SHISA9: variants seen among roughly 807,000 people sequenced by gnomAD.
The protein encoded by SHISA9 is shisa family member 9.
Under a neutral mutation model 38.0 loss-of-function variants are expected in SHISA9, and 13 were observed. That is an observed-to-expected ratio of 0.34 (90% CI 0.22 to 0.54). The LOEUF is 0.54. SHISA9 is among the 20% of genes least tolerant of loss of function. The probability of loss-of-function intolerance (pLI) is 0.91; values close to 1 mark genes in which losing one functional copy is unlikely to be tolerated. For synonymous variants in SHISA9, 275 were observed against 242.0 expected (o/e 1.14, Z -1.27); for missense variants, 538 against 575.8 (o/e 0.93, Z 0.67).
intron 2 of SHISA9, among the ~76,000 whole-genome samples, chr16:13,116,198 C>T (rs761167084): frequency 6.6e-5 from 10 of 152,168 alleles, no homozygotes; most frequent in African/African-American, 1.9e-4. Flanking sequence ...TGGGATACAT[C>T]ATACCTACCC....
chr16:13,370,283 C>A, the SHISA9 span, among the ~76,000 whole-genome samples: 4 of 152,092 alleles, frequency 2.6e-5, no homozygotes, highest in Admixed American at 6.6e-5. Context: ...CAGATACAAA[C>A]CTCAGTGGGA....
the SHISA9 span, among the ~76,000 whole-genome samples, chr16:13,411,362 A>G: frequency 6.6e-6 from 1 of 152,238 alleles, no homozygotes; most frequent in East Asian, 1.9e-4. Context: ...TGGGCAGAGT[A>G]ATGAACTTCT....
chr16:13,197,104 T>TACACACACAC (rs58365720), intron 2 of SHISA9, among the ~76,000 whole-genome samples: 11 of 106,490 alleles, frequency 1.0e-4, no homozygotes, highest in African/African-American at 3.9e-4. Flanking sequence ...TCTCTGTACA[T>TACACACACAC]ACACACACAC....
the SHISA9 span, among the ~76,000 whole-genome samples, chr16:13,436,780 G>A: frequency 2.5e-4 from 38 of 152,172 alleles, no homozygotes; most frequent in African/African-American, 7.2e-4. Context: ...ATCCCCCCAG[G>A]AAGCTAGTGG....
At chr16:13,479,729 C>T in the SHISA9 span, among the ~76,000 whole-genome samples, 2 of 152,188 alleles carry the variant, frequency 1.3e-5, no homozygotes, top group African/African-American at 4.8e-5. Context: ...AGAGACATGA[C>T]CAGAAATGAC....
intron 3 of SHISA9, among the ~76,000 whole-genome samples, chr16:13,204,126 A>T (rs1244525567): frequency 1.4e-5 from 2 of 142,832 alleles, no homozygotes; most frequent in Admixed American, 7.3e-5. Flanking sequence ...CTATCATCTA[A>T]CTACCTATTA....
At chr16:13,127,305 AGAGT>A (rs1369704503) in intron 2 of SHISA9, among the ~76,000 whole-genome samples, 43 of 132,254 alleles carry the variant, frequency 3.3e-4, no homozygotes, top group Admixed American at 1.5e-3. Flanking sequence ...GGAGAGAGAG[AGAGT>A]GAGGGAGGGA....
chr16:13,378,087 A>G, the SHISA9 span, among the ~76,000 whole-genome samples: 32 of 152,282 alleles, frequency 2.1e-4, no homozygotes, highest in Middle Eastern at 6.8e-3. Flanking sequence ...GACATCTGTC[A>G]CCCTGCTGAC....
the SHISA9 span, among the ~76,000 whole-genome samples, chr16:13,546,254 T>G: frequency 6.6e-6 from 1 of 152,234 alleles, no homozygotes; most frequent in African/African-American, 2.4e-5. Context: ...AAGAAGATTA[T>G]TGTTCTCCCT....
At chr16:12,948,792 A>G (rs2071718460) in intron 2 of SHISA9, among the ~76,000 whole-genome samples, 1 of 152,232 alleles carries the variant, frequency 6.6e-6, no homozygotes, top group African/African-American at 2.4e-5. Flanking sequence ...TGGGACACAG[A>G]TATTCAGACC....
the SHISA9 span, among the ~76,000 whole-genome samples, chr16:13,380,443 T>C: frequency 6.6e-6 from 1 of 152,152 alleles, no homozygotes; most frequent in African/African-American, 2.4e-5. Flanking sequence ...TCCACAGTAA[T>C]GTTAGAAACT....
chr16:13,463,067 G>C, the SHISA9 span, among the ~76,000 whole-genome samples: 3 of 152,262 alleles, frequency 2.0e-5, no homozygotes, highest in Middle Eastern at 3.4e-3. Context: ...GAGGTGGGAG[G>C]ATCACTTGAG....
At chr16:13,198,245 CATATATACTT>C (rs2050968143) in intron 2 of SHISA9, among the ~76,000 whole-genome samples, 3 of 142,256 alleles carry the variant, frequency 2.1e-5, no homozygotes, top group African/African-American at 7.7e-5. Context: ...TATATGCATA[CATATATACTT>C]GTGTGTATAT....
At chr16:12,998,241 C>T (rs2141838900) in intron 2 of SHISA9, among the ~76,000 whole-genome samples, 1 of 152,268 alleles carries the variant, frequency 6.6e-6, no homozygotes, top group East Asian at 1.9e-4. Context: ...CCTGGAAGGT[C>T]CATGCATTAG....
chr16:13,555,195 T>A, the SHISA9 span, among the ~76,000 whole-genome samples: 3 of 152,236 alleles, frequency 2.0e-5, no homozygotes, highest in Non-Finnish European at 2.9e-5. Flanking sequence ...CTATATAGAC[T>A]GTTAGTACAG....
chr16:13,555,822 T>TA, the SHISA9 span, among the ~76,000 whole-genome samples: 1 of 151,658 alleles, frequency 6.6e-6, no homozygotes, highest in Non-Finnish European at 1.5e-5. Flanking sequence ...ACAGGTAAAA[T>TA]AACTATCCAC....
the SHISA9 span, among the ~76,000 whole-genome samples, chr16:13,305,613 A>C: frequency 3.1e-3 from 465 of 152,314 alleles, 3 homozygotes; most frequent in African/African-American, 0.01. Context: ...GATTCCAGCC[A>C]GTGAGAAACT....
At chr16:13,517,385 G>C in the SHISA9 span, among the ~76,000 whole-genome samples, 1 of 152,150 alleles carries the variant, frequency 6.6e-6, no homozygotes, top group African/African-American at 2.4e-5. Flanking sequence ...ATTTCTGGTG[G>C]CCATCCTAGG....
the SHISA9 span, among the ~76,000 whole-genome samples, chr16:13,387,781 C>T: frequency 6.6e-6 from 1 of 152,158 alleles, no homozygotes; most frequent in Non-Finnish European, 1.5e-5. Flanking sequence ...AGCCACCACA[C>T]CTGGCCTGCA....
Sources: allele counts gnomAD v4.1 joint callset (sites outside exome capture counted in the v4.1 genomes callset), GRCh38; gene constraint gnomAD v4.1.1; transcripts MANE v1.5; gene names NCBI Gene and HGNC (gene_info 2026-07-23, HGNC 2026-07-21).